Variants in GRM7 observed in about 807,000 individuals in gnomAD.
The protein encoded by GRM7 is metabotropic glutamate receptor 7.
A neutral mutation model predicts 84.5 loss-of-function variants in GRM7; 35 were observed. That is an observed-to-expected ratio of 0.41 (90% CI 0.32 to 0.55). GRM7 has a LOEUF of 0.55. GRM7 is among the 20% of genes least tolerant of loss of function. The pLI is 0.19. For synonymous variants in GRM7, 487 were observed against 455.1 expected (o/e 1.07, Z -0.89); for missense variants, 1,003 against 1,194.6 (o/e 0.84, Z 2.36).
chr3:7,708,129 CT>C (rs1258084677), intron 9 of GRM7, among the ~76,000 whole-genome samples: 9 of 148,002 alleles, frequency 6.1e-5, no homozygotes, highest in South Asian at 2.1e-4. Context: ...CTCTCCAAAT[CT>C]TTTTTTTTTC....
chr3:7,269,454 C>G (rs925875734), intron 2 of GRM7, among the ~76,000 whole-genome samples: 1 of 144,810 alleles, frequency 6.9e-6, no homozygotes, highest in Non-Finnish European at 1.5e-5. Context: ...ACCCCCCCCC[C>G]AGAGAGCATG....
intron 1 of GRM7, among the ~76,000 whole-genome samples, chr3:7,112,155 C>G (rs1372096958): frequency 6.6e-6 from 1 of 151,980 alleles, no homozygotes; most frequent in African/African-American, 2.4e-5. Context: ...GCAGAAGGGA[C>G]CTGGTTAGCT....
chr3:7,371,904 C>T (rs1694154751), intron 4 of GRM7, among the ~76,000 whole-genome samples: 1 of 152,002 alleles, frequency 6.6e-6, no homozygotes. Context: ...TGGGTGTAGA[C>T]CAGTGTTCCG....
intron 7 of GRM7, among the ~76,000 whole-genome samples, chr3:7,528,487 C>G (rs1700895242): frequency 1.3e-5 from 2 of 151,868 alleles, no homozygotes; most frequent in South Asian, 2.1e-4. Flanking sequence ...TTCATTGATC[C>G]TATGTATGAT....
At chr3:6,950,404 C>T (rs184073983) in intron 1 of GRM7, among the ~76,000 whole-genome samples, 4 of 152,202 alleles carry the variant, frequency 2.6e-5, no homozygotes, top group African/African-American at 4.8e-5. Flanking sequence ...GCTACCTGAT[C>T]GTTCCTCCGG....
At chr3:7,228,739 T>C (rs1282655295) in intron 2 of GRM7, among the ~76,000 whole-genome samples, 1 of 152,218 alleles carries the variant, frequency 6.6e-6, no homozygotes, top group African/African-American at 2.4e-5. Context: ...GTTTTAATCA[T>C]AGTTCTACTA....
At chr3:7,239,710 A>G (rs1004559602) in intron 2 of GRM7, among the ~76,000 whole-genome samples, 7 of 151,988 alleles carry the variant, frequency 4.6e-5, no homozygotes, top group African/African-American at 1.7e-4. Context: ...TTTTCTGAAG[A>G]CTCTCAAACA....
chr3:7,203,727 G>T (rs530306820), intron 2 of GRM7, among the ~76,000 whole-genome samples: 60 of 152,204 alleles, frequency 3.9e-4, no homozygotes, highest in African/African-American at 1.4e-3. Context: ...GTGTATGTGT[G>T]TTTTGCCTAG....
intron 1 of GRM7, among the ~76,000 whole-genome samples, chr3:7,005,695 T>C (rs896346244): frequency 1.3e-5 from 2 of 152,184 alleles, no homozygotes; most frequent in Non-Finnish European, 2.9e-5. Flanking sequence ...AAAATTTTAA[T>C]TTAAATTCAA....
intron 3 of GRM7, among the ~76,000 whole-genome samples, chr3:7,302,097 T>C (rs746271355): frequency 6.6e-6 from 1 of 152,154 alleles, no homozygotes; most frequent in Non-Finnish European, 1.5e-5. Context: ...TTTTATTGTT[T>C]TTTTTCAATA....
rs1693505821 is a variant in GRM7, at chr3:7,358,395, A to G, written c.1033+51743A>G. Among the ~76,000 whole-genome samples the G allele has an allele frequency of 1.3e-5, 2 of 149,844 alleles. 1 individual carries two copies. Among genetic ancestry groups the G allele is most frequent in the Admixed American group, 1.3e-4 (2 of 15,080 alleles). On this transcript the variant is annotated intron_variant, in intron 4 of 9. Transcript: ENST00000357716. ...CATAGTCATTTGACAAATAACAAAC[A>G]TTCATAAAAGTTGACAAAATTAAAC...
chr3:6,890,653 T>C (rs1695895879), intron 1 of GRM7, among the ~76,000 whole-genome samples: 1 of 152,190 alleles, frequency 6.6e-6, no homozygotes, highest in South Asian at 2.1e-4. Flanking sequence ...TACTTCCAAG[T>C]ATGTGGTCAA....
chr3:7,707,015 G>A (rs1239580035), intron 9 of GRM7, among the ~76,000 whole-genome samples: 1 of 152,114 alleles, frequency 6.6e-6, no homozygotes, highest in East Asian at 1.9e-4. Context: ...TATGTGACTA[G>A]TAGTGGAAAT....
At chr3:7,580,304 A>G (rs933848438) in intron 8 of GRM7, among the ~76,000 whole-genome samples, 10 of 152,204 alleles carry the variant, frequency 6.6e-5, no homozygotes, top group African/African-American at 2.4e-4. Context: ...CTAGAGTTCT[A>G]ACTGACATAC....
intron 1 of GRM7, among the ~76,000 whole-genome samples, chr3:7,052,579 C>CCT (rs202008440): frequency 0.024 from 3,673 of 151,732 alleles, 159 homozygotes; most frequent in African/African-American, 0.084. Context: ...ACAGACAAGT[C>CCT]TGTGACCACT....
chr3:7,560,802 A>C (rs1559403284), intron 7 of GRM7, among the ~76,000 whole-genome samples: 1 of 152,112 alleles, frequency 6.6e-6, no homozygotes, highest in African/African-American at 2.4e-5. Flanking sequence ...GCCTTCATGT[A>C]ATTCTATCAG....
At chr3:7,291,738 A>G (rs1486430248) in intron 2 of GRM7, among the ~76,000 whole-genome samples, 1 of 152,094 alleles carries the variant, frequency 6.6e-6, no homozygotes, top group Non-Finnish European at 1.5e-5. Flanking sequence ...GGGACTGGAT[A>G]CCTCACCACC....
At chr3:7,673,617 C>T (rs1338129214) in intron 8 of GRM7, among the ~76,000 whole-genome samples, 1 of 151,948 alleles carries the variant, frequency 6.6e-6, no homozygotes, top group Non-Finnish European at 1.5e-5. Context: ...AAATGTATCA[C>T]TTTACCTGAT....
intron 2 of GRM7, among the ~76,000 whole-genome samples, chr3:7,230,070 A>T (rs988201153): frequency 5.3e-5 from 8 of 151,114 alleles, no homozygotes; most frequent in Non-Finnish European, 1.0e-4. Flanking sequence ...CGATCTCCTG[A>T]CCTTGTGATC....
Sources: gnomAD v4.1 joint callset for allele counts (sites outside exome capture counted in the v4.1 genomes callset) on GRCh38, gnomAD v4.1.1 for gene constraint, MANE v1.5 for transcripts, NCBI Gene and HGNC (gene_info 2026-07-23, HGNC 2026-07-21) for gene names.